The following HOXB13 variants were observed in gnomAD, a reference collection of about 807,000 sequenced individuals.
HOXB13 encodes the protein homeobox B13.
Under a neutral mutation model 23.1 loss-of-function variants are expected in HOXB13, and 22 were observed. That is an observed-to-expected ratio of 0.95 (90% CI 0.68 to 1.36). HOXB13 has a LOEUF of 1.36. Among genes scored for constraint, HOXB13 ranks in the 40% most tolerant of loss-of-function variants. The pLI, the probability that HOXB13 is intolerant of heterozygous loss-of-function variation, is 0.00. For missense variants in HOXB13, 386 were observed against 376.2 expected, an observed-to-expected ratio of 1.03 and a Z score of -0.22; for synonymous variants, 173 against 157.9, an observed-to-expected ratio of 1.10 and a Z score of -0.72.
In HOXB13 at chr17:48,726,741, C is replaced by T. The variant is rs779415012; in HGVS notation, c.*49G>A. On this transcript the variant is annotated 3_prime_UTR_variant, in exon 2 of 2. Transcript: ENST00000290295. ...CCTGGGCTTGGCAGGTTCCTGGTCT[C>T]CCCAGGACACCCCCACTTTCGCTCC... is the stretch of plus-strand genomic sequence containing the variant. 1.7e-5 allele frequency: 27 copies of T among 1,603,442 alleles called. No homozygotes were observed. The Middle Eastern group carries it at 6.2e-4, about 37-fold the overall frequency.
At position 48,726,959 on chromosome 17, in the gene HOXB13, CGCAACTGCCCCTTGCTGTACGGAAT is replaced by C; in HGVS notation, c.661_685del (p.Ile221GlyfsTer50). The stretch of plus-strand genomic sequence containing the variant: ...AGCCGCATACTCCCGCTCCAGCTCC[CGCAACTGCCCCTTGCTGTACGGAAT>C]GCGTTTCTTGCGGCCGCGACGAAAG... On this transcript the variant is annotated frameshift_variant, in exon 2 of 2. Transcript: ENST00000290295. LOFTEE classifies it high-confidence loss of function. The C allele has an allele frequency of 6.2e-7, 1 of 1,613,618 alleles. No individual in the cohort carries two copies. The highest frequency in any genetic ancestry group is 1.3e-5 in the African/African-American group (1 of 75,036).
In HOXB13 at chr17:48,726,720, G is replaced by T; in HGVS notation, c.*70C>A. The T allele has an allele frequency of 6.4e-7, 1 of 1,573,720 alleles. No homozygotes were observed. Among genetic ancestry groups the T allele is most frequent in the Non-Finnish European group, 8.6e-7 (1 of 1,157,368 alleles). On this transcript the variant is annotated 3_prime_UTR_variant, in exon 2 of 2. Transcript: ENST00000290295. ...CAGCAGAGTCCTTGGCCCCAGCCTG[G>T]GCTTGGCAGGTTCCTGGTCTCCCCA...
chr17:48,728,274 GCC>G lies in HOXB13; in HGVS notation c.318_319del (p.Ala107ArgfsTer19). The stretch of plus-strand genomic sequence containing the variant: ...CGTGGGAGTCTCCGCGGGGTACGCG[GCC>G]AGGGTGGCTGCCTGGGCACAGGGTT... On this transcript the variant is annotated frameshift_variant, in exon 1 of 2. Coordinates refer to ENST00000290295, the MANE Select transcript of HOXB13 (RefSeq NM_006361.6). LOFTEE classifies it high-confidence loss of function. The G allele has an allele frequency of 6.2e-7, 1 of 1,614,192 alleles. No homozygotes were observed. The highest frequency in any genetic ancestry group is 2.2e-5 in the East Asian group (1 of 44,872).
intron 1 of HOXB13, 112 bp from the exon 2 acceptor site, chr17:48,727,155 C>G: frequency 7.5e-7 from 1 of 1,324,820 alleles, no homozygotes; most frequent in Non-Finnish European, 1.0e-6. Flanking sequence ...ACAGGTCACC[C>G]TACAGGCGCA....
intron 1 of HOXB13, 26 bp downstream of exon 1, chr17:48,727,967 A>C (rs776499993): frequency 1.4e-5 from 22 of 1,600,694 alleles, no homozygotes; most frequent in Non-Finnish European, 1.9e-5. Flanking sequence ...GCTCAGAGAC[A>C]AGGGGACCCA....
At position 48,725,905 on chromosome 17, in the gene HOXB13, C is replaced by T. The variant is rs1264392394; in HGVS notation, c.*885G>A. The T allele has an allele frequency of 1.3e-5, 2 of 152,262 alleles. No individual in the cohort carries two copies. Among genetic ancestry groups the T allele is most frequent in the Non-Finnish European group, 2.9e-5 (2 of 68,068 alleles). 9.4% of individuals were successfully genotyped at this position (152,262 alleles called of 1,614,324 possible). ...GAAAACAGGGTTGGCACCACTCTGC[C>T]ACTCCGTTTGTGCCTGGGAAGGGCT... is the stretch of plus-strand genomic sequence containing the variant. On this transcript the variant is annotated 3_prime_UTR_variant, in exon 2 of 2. Transcript: ENST00000290295.
At position 48,725,301 on chromosome 17, in the gene HOXB13, A is replaced by G. The variant is rs1167232380; in HGVS notation, c.*1489T>C. 6.6e-6 allele frequency: 1 copy of G among 152,508 alleles called. No homozygotes were observed. The highest frequency in any genetic ancestry group is 2.4e-5 in the African/African-American group (1 of 41,354). 9.4% of individuals were successfully genotyped at this position (152,508 alleles called of 1,614,324 possible). On this transcript the variant is annotated 3_prime_UTR_variant, in exon 2 of 2. Coordinates refer to ENST00000290295, the MANE Select transcript of HOXB13 (RefSeq NM_006361.6). Reference sequence around the variant, plus strand: ...CTCTTCCCCTGAACCCCCAGTCCGCATGCACTCACACTCTTTGGCCTTTTC... The same window carrying G: ...CTCTTCCCCTGAACCCCCAGTCCGCGTGCACTCACACTCTTTGGCCTTTTC...
intron 1 of HOXB13, among the ~76,000 whole-genome samples, chr17:48,727,446 TACACACAC>T: frequency 6.7e-6 from 1 of 149,792 alleles, no homozygotes; most frequent in African/African-American, 2.4e-5. Flanking sequence ...TACATGCGCA[TACACACAC>T]ACACACACAC....
At position 48,726,980 on chromosome 17, in the gene HOXB13, G is replaced by A. The variant is rs770172581; in HGVS notation, c.665C>T (p.Pro222Leu). ...CTCCCGCAACTGCCCCTTGCTGTAC[G>A]GAATGCGTTTCTTGCGGCCGCGACG... ...AFRRGRKKRI[P>L]YSKGQLRELE... The change falls in exon 2 of 2, where the codon CCG becomes CTG. Residue 222 changes from proline (P) to leucine (L), a missense_variant. Transcript: ENST00000290295. 2 of 1,612,902 alleles carry A rather than the reference G, an allele frequency of 1.2e-6. No homozygotes were observed. Among genetic ancestry groups the A allele is most frequent in the Non-Finnish European group, 1.7e-6 (2 of 1,180,008 alleles).
rs759813901 is a variant in HOXB13, at chr17:48,728,090, AC to A, written c.503del (p.Ser168IlefsTer111). 6.2e-7 allele frequency: 1 copy of A among 1,614,172 alleles called. No homozygotes were observed. Among genetic ancestry groups the A allele is most frequent in the South Asian group, 1.1e-5 (1 of 91,078 alleles). On this transcript the variant is annotated frameshift_variant, in exon 1 of 2. Transcript: ENST00000290295. LOFTEE classifies it high-confidence loss of function. ...PRHDSLLPVD[S>X]YQSWALAGGW... ...CACCAGCGAGAGCCCAAGACTGGTA[AC>A]TGTCCACAGGCAACAGGGAGTCATG... is the stretch of plus-strand genomic sequence containing the variant.
chr17:48,728,354 A>T lies in HOXB13; in HGVS notation c.240T>A (p.Tyr80Ter), dbSNP rs1225811562. The T allele has an allele frequency of 1.2e-6, 2 of 1,613,888 alleles. No homozygotes were observed. Among genetic ancestry groups the T allele is most frequent in the Non-Finnish European group, 1.7e-6 (2 of 1,180,018 alleles). ...AGTAGTACCCGCCTCCAAAGTAACC[A>T]TAAGGCACGGGAGCTGGGGACGTCC... ...PQGTSPAPVP[Y>*]GYFGGGYYSC... The change falls in exon 1 of 2, where the codon TAT (tyrosine) becomes TAA (stop). Residue 80 changes from tyrosine (Y) to a stop codon, truncating the protein, a stop_gained. Transcript: ENST00000290295. LOFTEE classifies it high-confidence loss of function.
In HOXB13 at chr17:48,724,772, C is replaced by T; in HGVS notation, c.*2018G>A. ...TCTAAGATTCCACATCTTTTGTTTGCTCTGAATTTATTGCGAGTGAAAAAC... is the reference window on the plus strand; with the variant it reads ...TCTAAGATTCCACATCTTTTGTTTGTTCTGAATTTATTGCGAGTGAAAAAC... On this transcript the variant is annotated 3_prime_UTR_variant, in exon 2 of 2. Transcript: ENST00000290295. The T allele has an allele frequency of 1.3e-6, 1 of 789,378 alleles. No individual in the cohort carries two copies. Among genetic ancestry groups the T allele is most frequent in the Non-Finnish European group, 1.7e-6 (1 of 584,582 alleles). 48.9% of individuals were successfully genotyped at this position (789,378 alleles called of 1,614,324 possible). A position where few individuals can be genotyped will look rare whatever the true frequency, so the allele number is the denominator to read the frequency against.
chr17:48,727,087 C>A (rs1413038750), intron 1 of HOXB13, 44 bp from the exon 2 acceptor site: 1 of 1,593,208 alleles, frequency 6.3e-7, no homozygotes, highest in Non-Finnish European at 8.5e-7. Context: ...TGGTCAGATA[C>A]CCACCCATGC....
In HOXB13 at chr17:48,728,442, A is replaced by T; in HGVS notation, c.152T>A (p.Leu51Ter). 6.2e-7 allele frequency: 1 copy of T among 1,613,284 alleles called. No homozygotes were observed. The highest frequency in any genetic ancestry group is 1.1e-5 in the South Asian group (1 of 91,020). ...TLMPAVNYAP[L>*]DLPGSAEPPK... ...CGGCTCCGCCGAGCCTGGCAGATCC[A>T]AGGGGGCATAGTTGACAGCAGGCAT... Residue 51 changes from leucine to a stop codon, truncating the protein, a stop_gained, in exon 1 of 2, where the codon TTG becomes TAG. Transcript: ENST00000290295. LOFTEE classifies it high-confidence loss of function.
chr17:48,728,275 C>G lies in HOXB13; in HGVS notation c.319G>C (p.Ala107Pro), dbSNP rs747755369. Residue 107 changes from alanine (A) to proline (P), a missense_variant, in exon 1 of 2, where the codon GCC becomes CCC. Physicochemically the swap from Ala to Pro is conservative, Grantham distance 27 (BLOSUM62 -1). Transcript: ENST00000290295. ...GTGGGAGTCTCCGCGGGGTACGCGG[C>G]CAGGGTGGCTGCCTGGGCACAGGGT... ...LKPCAQAATL[A>P]AYPAETPTAG... is the part of the protein sequence containing the mutation. 2.9e-5 allele frequency: 47 copies of G among 1,614,062 alleles called. No homozygotes were observed. Among genetic ancestry groups the G allele is most frequent in the Middle Eastern group, 3.3e-4 (2 of 6,084 alleles).
In HOXB13 at chr17:48,728,742, A is replaced by G. The variant is rs147157748; in HGVS notation, c.-149T>C. On this transcript the variant is annotated 5_prime_UTR_variant, in exon 1 of 2. Transcript: ENST00000290295. ...GCATTCGCTCAGCACGGCCGTCTTG[A>G]CGCAAGAGACGCAGGGGCCCGGGCA... is the stretch of plus-strand genomic sequence containing the variant. 21 of 704,940 alleles carry G rather than the reference A, an allele frequency of 3.0e-5. No individual in the cohort carries two copies. Among genetic ancestry groups the G allele is most frequent in the African/African-American group, 7.2e-5 (4 of 55,758 alleles). The allele number at this position is 704,940 out of a possible 1,614,324, so 43.7% of individuals were successfully genotyped here.
Position 48,728,570 on chromosome 17 carries a change from G to A in HOXB13, c.24C>T (p.Thr8=), listed in dbSNP as rs748740551. 2 of 1,612,622 alleles carry A rather than the reference G, an allele frequency of 1.2e-6. No individual in the cohort carries two copies. The highest frequency in any genetic ancestry group is 1.7e-6 in the Non-Finnish European group (2 of 1,179,960). Residue 8 remains threonine, a synonymous_variant, in exon 1 of 2, where the codon ACC becomes ACT. Transcript: ENST00000290295. MEPGNYA[T]LDGAKDIEGL... is the part of the protein sequence containing the mutation. ...CTTCGATATCCTTGGCTCCATCCAA[G>A]GTGGCATAATTGCCGGGCTCCATGG...
In HOXB13 at chr17:48,728,102, C is replaced by T. The variant is rs762580646; in HGVS notation, c.492G>A (p.Leu164=). 2 of 1,614,116 alleles carry T rather than the reference C, an allele frequency of 1.2e-6. No individual in the cohort carries two copies. The highest frequency in any genetic ancestry group is 2.2e-5 in the East Asian group (1 of 44,886). ...CCCAAGACTGGTAACTGTCCACAGG[C>T]AACAGGGAGTCATGTCGCGGTTCTC... ...APGEPRHDSL[L]PVDSYQSWAL... is the part of the protein sequence containing the mutation. Residue 164 remains leucine (L), a synonymous_variant, in exon 1 of 2, where the codon TTG becomes TTA. Transcript: ENST00000290295.
chr17:48,726,237 A>G lies in HOXB13; in HGVS notation c.*553T>C, dbSNP rs2143062763. The G allele has an allele frequency of 6.5e-6, 1 of 154,278 alleles. No homozygotes were observed. Among genetic ancestry groups the G allele is most frequent in the East Asian group, 1.9e-4 (1 of 5,220 alleles). 9.6% of individuals were successfully genotyped at this position (154,278 alleles called of 1,614,324 possible). ...AAGGAGGGAGGAAGAGACAGCCTCTACAATTGTCCACCTACCCAGCTGTCA... is the reference window on the plus strand; with the variant it reads ...AAGGAGGGAGGAAGAGACAGCCTCTGCAATTGTCCACCTACCCAGCTGTCA... On this transcript the variant is annotated 3_prime_UTR_variant, in exon 2 of 2. Transcript: ENST00000290295.
Sources: gnomAD v4.1 joint callset for allele counts (sites outside exome capture counted in the v4.1 genomes callset) on GRCh38, gnomAD v4.1.1 for gene constraint, MANE v1.5 for transcripts, NCBI Gene and HGNC (gene_info 2026-07-23, HGNC 2026-07-21) for gene names.